The following KSR2 variants were observed in gnomAD, a reference collection of about 807,000 sequenced individuals.
KSR2 encodes the protein kinase suppressor of ras 2.
In KSR2, 25 loss-of-function variants were observed where a neutral mutation model predicts 107.8. That is an observed-to-expected ratio of 0.23 (90% confidence interval 0.17 to 0.32). The LOEUF is 0.32. Ranked by LOEUF, KSR2 falls within the 10% of genes least tolerant of loss-of-function variation. The probability of loss-of-function intolerance (pLI) is 1.00; values close to 1 mark genes in which losing one functional copy is unlikely to be tolerated. For synonymous variants in KSR2, 480 were observed against 507.0 expected, an observed-to-expected ratio of 0.95 and a Z score of 0.71; for missense variants, 887 against 1,268.9, an observed-to-expected ratio of 0.70 and a Z score of 4.57.
chr12:117,624,841 G>A (rs1882388081), intron 5 of KSR2, among the ~76,000 whole-genome samples: 1 of 152,174 alleles, frequency 6.6e-6, no homozygotes, highest in South Asian at 2.1e-4. Context: ...CATGAGCATG[G>A]AATATTCTTC....
Position 117,471,191 on chromosome 12 carries a change from C to T in KSR2, c.2712G>A (p.Ser904=), listed in dbSNP as rs1391575201. ...LSQIGMGKEI[S]DILLFCWAFE... The stretch of plus-strand genomic sequence containing the variant: ...AGTCTGGACCTATCTTGGGACTTAC[C>T]GAGATTTCTTTTCCCATGCCAATCT... The change falls in exon 18 of 20, where the codon TCG becomes TCA. Residue 904 remains serine (S), a splice_region_variant and synonymous_variant. Coordinates refer to ENST00000339824, the MANE Select transcript of KSR2 (RefSeq NM_173598.6). 6.2e-7 allele frequency: 1 copy of T among 1,613,710 alleles called. No homozygotes were observed. The highest frequency in any genetic ancestry group is 1.3e-5 in the African/African-American group (1 of 75,012).
intron 4 of KSR2, among the ~76,000 whole-genome samples, chr12:117,711,739 G>A (rs1886790835): frequency 6.6e-6 from 1 of 152,150 alleles, no homozygotes; most frequent in Admixed American, 6.5e-5. Flanking sequence ...AATTCTCCAT[G>A]GTTCTATGTA....
At chr12:117,875,398 C>G (rs991269979) in intron 1 of KSR2, among the ~76,000 whole-genome samples, 1 of 150,518 alleles carries the variant, frequency 6.6e-6, no homozygotes, top group African/African-American at 2.5e-5. Flanking sequence ...ATGCAGGACA[C>G]CATGGGGGCC....
chr12:117,800,289 A>T (rs1011312853), intron 3 of KSR2, among the ~76,000 whole-genome samples: 3 of 151,916 alleles, frequency 2.0e-5, no homozygotes, highest in Non-Finnish European at 4.4e-5. Context: ...CCCACTATAC[A>T]TGTTGGGTGG....
chr12:117,474,036 A>G (rs1068944), intron 17 of KSR2, among the ~76,000 whole-genome samples: 142,013 of 152,290 alleles, frequency 0.93, 66,276 homozygotes, highest in African/African-American at 0.97. Flanking sequence ...TGAGCACGAG[A>G]TTCCCAAGCA....
At chr12:117,741,456 T>C (rs1888219045) in intron 4 of KSR2, among the ~76,000 whole-genome samples, 1 of 152,142 alleles carries the variant, frequency 6.6e-6, no homozygotes, top group Non-Finnish European at 1.5e-5. Flanking sequence ...GCCCAGGATG[T>C]CGAGGCTGCA....
At chr12:117,939,052 G>C (rs76564243) in intron 1 of KSR2, among the ~76,000 whole-genome samples, 1 of 151,734 alleles carries the variant, frequency 6.6e-6, no homozygotes, top group Non-Finnish European at 1.5e-5. Context: ...TGAAGACAGC[G>C]TGTAAGAATA....
rs1871185612 is a variant in KSR2, at chr12:117,467,156, G to A, written c.*43C>T. 7 of 676,924 alleles carry A rather than the reference G, an allele frequency of 1.0e-5. No individual in the cohort carries two copies. The South Asian group carries it at 1.2e-4, about 12-fold the overall frequency. The allele number at this position is 676,924 out of a possible 1,614,324, so 41.9% of individuals were successfully genotyped here. Reference sequence around the variant, plus strand: ...GAGGACAGAGTAGGGAGGGAGAGGTGACGGGAGCCCAGGCAGCTGGGCGCC... The same window carrying A: ...GAGGACAGAGTAGGGAGGGAGAGGTAACGGGAGCCCAGGCAGCTGGGCGCC... On this transcript the variant is annotated 3_prime_UTR_variant, in exon 20 of 20. Transcript: ENST00000339824.
chr12:117,646,006 C>T (rs1205690384), intron 5 of KSR2, among the ~76,000 whole-genome samples: 3 of 151,744 alleles, frequency 2.0e-5, no homozygotes, highest in Non-Finnish European at 4.4e-5. Context: ...TATAAAATGG[C>T]ATAGTCTTCA....
chr12:117,634,467 C>A (rs1882960399), intron 5 of KSR2, among the ~76,000 whole-genome samples: 1 of 152,080 alleles, frequency 6.6e-6, no homozygotes, highest in Non-Finnish European at 1.5e-5. Context: ...AGTCAGTTGC[C>A]AGACCAAAAT....
At chr12:117,955,314 T>C (rs1452820306) in intron 1 of KSR2, among the ~76,000 whole-genome samples, 1 of 151,994 alleles carries the variant, frequency 6.6e-6, no homozygotes, top group Non-Finnish European at 1.5e-5. Context: ...TTTGTAGAGA[T>C]GCTATCTCCC....
intron 9 of KSR2, among the ~76,000 whole-genome samples, chr12:117,541,955 G>T (rs112207149): frequency 6.6e-6 from 1 of 151,898 alleles, no homozygotes; most frequent in South Asian, 2.1e-4. Flanking sequence ...GCACAATCAC[G>T]GCTCACTGTA....
At chr12:117,500,712 A>G (rs1873326141) in intron 14 of KSR2, among the ~76,000 whole-genome samples, 1 of 152,204 alleles carries the variant, frequency 6.6e-6, no homozygotes, top group Non-Finnish European at 1.5e-5. Context: ...CCCACACAAG[A>G]GCCCTGAGGG....
At chr12:117,859,440 T>C (rs537863654) in intron 2 of KSR2, among the ~76,000 whole-genome samples, 1 of 145,576 alleles carries the variant, frequency 6.9e-6, no homozygotes, top group African/African-American at 2.6e-5. Context: ...GCCTGTTTTT[T>C]TCGTTTTTTG....
intron 1 of KSR2, among the ~76,000 whole-genome samples, chr12:117,939,100 AT>A (rs1170693496): frequency 6.6e-6 from 1 of 152,230 alleles, no homozygotes; most frequent in Non-Finnish European, 1.5e-5. Flanking sequence ...CAAGGCAGAT[AT>A]AATCACAGTG....
intron 4 of KSR2, among the ~76,000 whole-genome samples, chr12:117,747,770 C>G (rs1460284919): frequency 6.6e-6 from 1 of 152,020 alleles, no homozygotes; most frequent in African/African-American, 2.4e-5. Context: ...TCATACCTGT[C>G]AAGAATGGCT....
intron 1 of KSR2, among the ~76,000 whole-genome samples, chr12:117,946,588 A>G (rs1406911482): frequency 6.6e-6 from 1 of 152,192 alleles, no homozygotes; most frequent in Non-Finnish European, 1.5e-5. Flanking sequence ...ATTTGTAGTT[A>G]AAAACTTTCC....
intron 5 of KSR2, among the ~76,000 whole-genome samples, chr12:117,601,634 C>T (rs1046009542): frequency 6.6e-6 from 1 of 151,816 alleles, no homozygotes; most frequent in African/African-American, 2.4e-5. Flanking sequence ...CAAGGAAGGA[C>T]CCCCCCCTAG....
At chr12:117,683,681 C>T (rs771818453) in intron 4 of KSR2, among the ~76,000 whole-genome samples, 3 of 152,176 alleles carry the variant, frequency 2.0e-5, no homozygotes, top group African/African-American at 4.8e-5. Flanking sequence ...ATTTGAAGAA[C>T]GAACAAAATG....
Sources: allele counts gnomAD v4.1 joint callset (sites outside exome capture counted in the v4.1 genomes callset), GRCh38; gene constraint gnomAD v4.1.1; transcripts MANE v1.5; gene names NCBI Gene and HGNC (gene_info 2026-07-23, HGNC 2026-07-21).